The following ARID1B variants were observed in gnomAD, a reference collection of about 807,000 sequenced individuals.
ARID1B encodes the protein AT-rich interaction domain 1B, also known as AT-rich interactive domain-containing protein 1B.
Under a neutral mutation model 212.3 loss-of-function variants are expected in ARID1B, and 30 were observed. The ratio of observed to expected loss-of-function variants is 0.14; its 90% confidence interval spans 0.11 to 0.19. ARID1B has a LOEUF of 0.19. ARID1B is among the 10% of genes least tolerant of loss of function. The pLI is 1.00. For missense variants in ARID1B, 2,891 were observed against 3,204.0 expected (o/e 0.90, Z 2.36); for synonymous variants, 1,402 against 1,301.7 (o/e 1.08, Z -1.66).
In ARID1B at chr6:157,207,771, A is replaced by G. The variant is rs1356292950; in HGVS notation, c.6999A>G (p.Glu2333=). ...KALLAMARVD[E]NRSEFLLHEG... ...TGCTAGCCATGGCCAGAGTGGACGA[A>G]AACCGCTCGGAATTCCTTTTGCACG... The change falls in exon 20 of 20, where the codon GAA becomes GAG. Residue 2333 remains glutamate, a synonymous_variant. Coordinates refer to ENST00000636930, the MANE Select transcript of ARID1B (RefSeq NM_001374828.1). This position sits in a 1 kb window ranked among gnomAD's most constrained non-coding sequence, Gnocchi z 8.5. 2 of 1,574,830 alleles carry G rather than the reference A, an allele frequency of 1.3e-6. No individual in the cohort carries two copies. The highest frequency in any genetic ancestry group is 2.7e-5 in the African/African-American group (2 of 73,670).
At chr6:157,058,742 G>A (rs1242807086) in intron 4 of ARID1B, among the ~76,000 whole-genome samples, 3 of 152,208 alleles carry the variant, frequency 2.0e-5, no homozygotes, top group East Asian at 1.9e-4. Flanking sequence ...GGACACTAGC[G>A]GTGGCAGACG....
chr6:157,009,549 A>G (rs1283237505), intron 4 of ARID1B, among the ~76,000 whole-genome samples: 1 of 152,204 alleles, frequency 6.6e-6, no homozygotes, highest in Non-Finnish European at 1.5e-5. Context: ...TCATTCAACA[A>G]GTATTTATTG....
chr6:156,867,046 A>G (rs1188892568), intron 2 of ARID1B, among the ~76,000 whole-genome samples: 1 of 152,116 alleles, frequency 6.6e-6, no homozygotes, highest in East Asian at 1.9e-4. Context: ...TTATAATGCT[A>G]TTTGTGTATT....
intron 4 of ARID1B, among the ~76,000 whole-genome samples, chr6:157,070,204 TTTTG>T (rs1226888484): frequency 1.3e-5 from 2 of 152,004 alleles, no homozygotes; most frequent in Non-Finnish European, 2.9e-5. Flanking sequence ...AAATTGTTCA[TTTTG>T]TTTTTTTCTT....
chr6:157,054,632 G>T (rs1487449685), intron 4 of ARID1B, among the ~76,000 whole-genome samples: 1 of 151,910 alleles, frequency 6.6e-6, no homozygotes, highest in African/African-American at 2.4e-5. Context: ...CTGAGGAAGT[G>T]GTTCTTACCT....
intron 7 of ARID1B, among the ~76,000 whole-genome samples, chr6:157,137,172 C>T (rs1253670571): frequency 2.6e-5 from 4 of 151,870 alleles, no homozygotes; most frequent in Non-Finnish European, 4.4e-5. Flanking sequence ...CAAAGTGAGA[C>T]CCTGTCGCAA....
rs2128385529 is a variant in ARID1B, at chr6:157,203,968, G to A, written c.5366G>A (p.Ser1789Asn). ...ATTAATATTCTTCTGTATGATGACA[G>A]CACTGTTGCTACTTTCAATCTCTCC... ...DTINILLYDD[S>N]TVATFNLSQL... The change falls in exon 19 of 20, where the codon AGC becomes AAC. Residue 1789 changes from serine (S) to asparagine (N), a missense_variant. Ser to Asn is a conservative substitution (Grantham distance 46). Around this residue, in one of 7 missense-constraint regions of ARID1B, gnomAD observed 332 missense variants for 369.2 expected, o/e 0.90. Coordinates refer to ENST00000636930, the MANE Select transcript of ARID1B (RefSeq NM_001374828.1). This position sits in a 1 kb window ranked among gnomAD's most constrained non-coding sequence, Gnocchi z 4.4. 6.2e-7 allele frequency: 1 copy of A among 1,614,114 alleles called. No individual in the cohort carries two copies. The highest frequency in any genetic ancestry group is 8.5e-7 in the Non-Finnish European group (1 of 1,179,990).
In ARID1B at chr6:157,201,029, C is replaced by G. The variant is rs1380267781; in HGVS notation, c.4804C>G (p.Gln1602Glu). Residue 1602 changes from glutamine (Q) to glutamate (E), a missense_variant, in exon 18 of 20, where the codon CAG becomes GAG. Transcript: ENST00000636930. This position sits in a 1 kb window ranked among gnomAD's most constrained non-coding sequence, Gnocchi z 5.2. ...TATGCCTTATCCCTACCAGAACAGG[C>G]AGGGCCCTGGCGGCCCTACACAGGC... ...NDMPYPYQNRQGPGGPTQAPP... is the reference protein window; with the variant it reads ...NDMPYPYQNREGPGGPTQAPP... 1 of 1,613,736 alleles carries G rather than the reference C, an allele frequency of 6.2e-7. No homozygotes were observed. The highest frequency in any genetic ancestry group is 8.5e-7 in the Non-Finnish European group (1 of 1,179,792).
rs558788136 is a variant in ARID1B, at chr6:157,000,353, T to C, written c.2247+64777T>C. Among the ~76,000 whole-genome samples, 30 of 152,344 alleles carry C rather than the reference T, an allele frequency of 2.0e-4. No homozygotes were observed. The South Asian group carries it at 3.1e-3, about 16-fold the overall frequency. Reference sequence around the variant, plus strand: ...AGGCTGCTTTGCCTCTGGAAACTTATCTTAGTTATCAAATGGAGATCTATT... The same window carrying C: ...AGGCTGCTTTGCCTCTGGAAACTTACCTTAGTTATCAAATGGAGATCTATT... On this transcript the variant is annotated intron_variant, in intron 4 of 19. Coordinates refer to ENST00000636930, the MANE Select transcript of ARID1B (RefSeq NM_001374828.1).
At position 157,201,274 on chromosome 6, in the gene ARID1B, G is replaced by C; in HGVS notation, c.5049G>C (p.Gln1683His). ...ISRAPSPASF[Q>H]RSLENRMSPS... ...GGGCGCCCAGCCCAGCGTCCTTCCA[G>C]CGCTCCCTGGAGAACCGCATGTCTC... Residue 1683 changes from glutamine (Q) to histidine (H), a missense_variant, in exon 18 of 20, where the codon CAG (glutamine) becomes CAC (histidine). Gln to His is a conservative substitution (Grantham distance 24). Coordinates refer to ENST00000636930, the MANE Select transcript of ARID1B (RefSeq NM_001374828.1). This position sits in a 1 kb window ranked among gnomAD's most constrained non-coding sequence, Gnocchi z 5.2. 1.2e-6 allele frequency: 2 copies of C among 1,614,080 alleles called. No homozygotes were observed. The highest frequency in any genetic ancestry group is 1.7e-6 in the Non-Finnish European group (2 of 1,180,024).
intron 4 of ARID1B, among the ~76,000 whole-genome samples, chr6:157,061,442 G>C (rs1350225405): frequency 2.0e-5 from 3 of 152,172 alleles, no homozygotes; most frequent in African/African-American, 7.2e-5. Flanking sequence ...CATAGAGAAT[G>C]GAACAGAAGA....
intron 4 of ARID1B, among the ~76,000 whole-genome samples, chr6:156,944,323 T>C (rs1792897215): frequency 6.6e-6 from 1 of 152,084 alleles, no homozygotes; most frequent in East Asian, 1.9e-4. Context: ...TATTGAGGGA[T>C]TTGGGGTTGC....
intron 4 of ARID1B, among the ~76,000 whole-genome samples, chr6:157,031,261 C>CTT (rs1208498075): frequency 6.6e-6 from 1 of 152,122 alleles, no homozygotes; most frequent in Non-Finnish European, 1.5e-5. Flanking sequence ...TTAGTGTCTA[C>CTT]TTTTCCTTAA....
At chr6:156,990,338 A>G (rs1329592895) in intron 4 of ARID1B, among the ~76,000 whole-genome samples, 4 of 151,954 alleles carry the variant, frequency 2.6e-5, no homozygotes, top group Non-Finnish European at 5.9e-5. Context: ...ACACCGGGCT[A>G]ATTTTTCAAA....
At chr6:156,925,853 A>G (rs1791176411) in intron 3 of ARID1B, among the ~76,000 whole-genome samples, 1 of 152,134 alleles carries the variant, frequency 6.6e-6, no homozygotes, top group African/African-American at 2.4e-5. Context: ...GACCCATTCC[A>G]CCCCTGTTCT....
rs367851681 is a variant in ARID1B at position 157,010,278 on chromosome 6, GTTTTTTTTTTT to G, written c.2248-74368_2248-74358del. Among the ~76,000 whole-genome samples the G allele has an allele frequency of 2.6e-3, 264 of 102,300 alleles. 1 individual carries two copies. The highest frequency in any genetic ancestry group is 1.0e-2 in the African/African-American group (253 of 25,354). 67.1% of individuals were successfully genotyped at this position (102,300 alleles called of 152,430 possible). The stretch of plus-strand genomic sequence containing the variant: ...TTTTGTTAACATTTATGCATTGCCT[GTTTTTTTTTTT>G]TTTTTTTTTTTTTTTGTTGTTGTTG... On this transcript the variant is annotated intron_variant, in intron 4 of 19. Coordinates refer to ENST00000636930, the MANE Select transcript of ARID1B (RefSeq NM_001374828.1).
At chr6:157,140,862 A>T (rs543381302) in intron 7 of ARID1B, 1 of 392,546 alleles carries the variant, frequency 2.5e-6, no homozygotes, top group African/African-American at 2.1e-5. Flanking sequence ...CACTCTGCAG[A>T]GTCCTCCCTC....
intron 4 of ARID1B, among the ~76,000 whole-genome samples, chr6:156,963,917 G>A (rs908009335): frequency 6.6e-6 from 1 of 152,198 alleles, no homozygotes; most frequent in Non-Finnish European, 1.5e-5. Context: ...TTCTGGAAAC[G>A]GTTTTCTGTT....
chr6:157,059,983 G>A (rs957216490), intron 4 of ARID1B, among the ~76,000 whole-genome samples: 2 of 152,172 alleles, frequency 1.3e-5, no homozygotes, highest in South Asian at 2.1e-4. Flanking sequence ...TGTGGGCAGC[G>A]TGTCAAGAGG....
Sources: allele counts gnomAD v4.1 joint callset (sites outside exome capture counted in the v4.1 genomes callset), GRCh38; gene constraint gnomAD v4.1.1; regional missense constraint gnomAD v4.1.1; non-coding constraint Gnocchi (gnomAD v3.1); transcripts MANE v1.5; gene names NCBI Gene and HGNC (gene_info 2026-07-23, HGNC 2026-07-21).